Variants in TGDS observed in about 807,000 individuals in gnomAD.
TGDS encodes the protein UDP-D-glucose 4,6-dehydratase.
TGDS carries 47 observed loss-of-function variants against 52.3 expected under a neutral mutation model. The observed-to-expected ratio is 0.90, with a 90% CI of 0.71 to 1.15. The LOEUF (loss-of-function observed/expected upper bound fraction) is 1.15, where lower values mean the gene tolerates loss of function less well. Among genes scored for constraint, TGDS ranks in the 50% most tolerant of loss-of-function variants. TGDS has a pLI of 0.00. For missense variants in TGDS, 375 were observed against 418.4 expected (o/e 0.90, Z 0.90); for synonymous variants, 115 against 136.9 (o/e 0.84, Z 1.12).
intron 6 of TGDS, among the ~76,000 whole-genome samples, chr13:94,580,828 C>T (rs895531178): frequency 1.3e-5 from 2 of 152,208 alleles, no homozygotes; most frequent in Non-Finnish European, 2.9e-5. Context: ...TCTATGCCTT[C>T]TACTCTAAGC....
chr13:94,581,364 T>C (rs1888784246), intron 5 of TGDS, among the ~76,000 whole-genome samples, 175 bp from the exon 6 acceptor site: 1 of 152,086 alleles, frequency 6.6e-6, no homozygotes, highest in Admixed American at 6.5e-5. Context: ...TGCACAACAA[T>C]CCTATATAGC....
At chr13:94,591,086 G>A in intron 3 of TGDS, 143 bp from the exon 4 acceptor site, 2 of 605,110 alleles carry the variant, frequency 3.3e-6, no homozygotes, top group Non-Finnish European at 5.8e-6. Flanking sequence ...GCTCAAACAA[G>A]GATACCAATG....
At chr13:94,590,774 T>C (rs930919800) in intron 4 of TGDS, 79 bp downstream of exon 4, 12 of 1,135,060 alleles carry the variant, frequency 1.1e-5, no homozygotes, top group Non-Finnish European at 1.2e-5. Context: ...TGATATATCC[T>C]CTTTCAAATA....
chr13:94,591,445 TAGCTGGG>T (rs1889198779), intron 3 of TGDS, among the ~76,000 whole-genome samples: 1 of 152,016 alleles, frequency 6.6e-6, no homozygotes, highest in Non-Finnish European at 1.5e-5. Flanking sequence ...ATATGAAAAT[TAGCTGGG>T]CATGGTAGCA....
At chr13:94,575,152 T>G (rs1888551631) in intron 11 of TGDS, among the ~76,000 whole-genome samples, 1 of 152,056 alleles carries the variant, frequency 6.6e-6, no homozygotes, top group African/African-American at 2.4e-5. Context: ...TTTAAGGAAT[T>G]TGGGGTGTGG....
At chr13:94,591,741 A>G (rs1261859557) in intron 3 of TGDS, among the ~76,000 whole-genome samples, 1 of 152,256 alleles carries the variant, frequency 6.6e-6, no homozygotes, top group East Asian at 1.9e-4. Context: ...TGAAGAAAAC[A>G]CTTTCACACA....
Position 94,578,722 on chromosome 13 carries a change from T to A in TGDS, c.659+8A>T, listed in dbSNP as rs375335161. ...AAGCATATGGGTAAAAAGGTAATAA[T>A]AACATACCATTTCCTGTTGTGCTGT... is the stretch of plus-strand genomic sequence containing the variant. On this transcript the variant is annotated splice_region_variant and intron_variant, in intron 8 of 11. Coordinates refer to ENST00000261296, the MANE Select transcript of TGDS (RefSeq NM_014305.4). 1 of 1,528,210 alleles carries A rather than the reference T, an allele frequency of 6.5e-7. No individual in the cohort carries two copies. The allele number at this position is 1,528,210 out of a possible 1,614,324, so 94.7% of individuals were successfully genotyped here.
chr13:94,584,594 A>G (rs60975003), intron 4 of TGDS, among the ~76,000 whole-genome samples: 11,984 of 152,280 alleles, frequency 0.079, 1,132 homozygotes, highest in African/African-American at 0.23. Flanking sequence ...ACAATGTCCA[A>G]TCAGTTAATA....
At chr13:94,590,722 T>C (rs374017853) in intron 4 of TGDS, 131 bp downstream of exon 4, 45 of 652,398 alleles carry the variant, frequency 6.9e-5, no homozygotes, top group African/African-American at 5.5e-4. Context: ...GCTGAGTTTA[T>C]GGATAACACA....
At chr13:94,578,520 T>C (rs1888681086) in intron 8 of TGDS, among the ~76,000 whole-genome samples, 1 of 152,210 alleles carries the variant, frequency 6.6e-6, no homozygotes. Flanking sequence ...CAAAGTTCTA[T>C]GATAGGTCAT....
In TGDS at chr13:94,583,092, A is replaced by G. The variant is rs1460820652; in HGVS notation, c.456+2T>C. 6.2e-7 allele frequency: 1 copy of G among 1,612,180 alleles called. No homozygotes were observed. Among genetic ancestry groups the G allele is most frequent in the Non-Finnish European group, 8.5e-7 (1 of 1,179,596 alleles). ...GGTAAAATATACATTTTCTAAGCTC[A>G]CCTTATCAAGACTGCCACCATATAC... On this transcript the variant is annotated splice_donor_variant, in intron 5 of 11. Coordinates refer to ENST00000261296, the MANE Select transcript of TGDS (RefSeq NM_014305.4). LOFTEE classifies it high-confidence loss of function.
chr13:94,593,719 C>G, intron 2 of TGDS, 122 bp downstream of exon 2: 1 of 740,154 alleles, frequency 1.4e-6, no homozygotes, highest in Non-Finnish European at 2.3e-6. Flanking sequence ...TACAGAGCCT[C>G]TGAATTGCTA....
intron 1 of TGDS, among the ~76,000 whole-genome samples, chr13:94,595,301 G>A (rs965763837): frequency 6.6e-6 from 1 of 152,194 alleles, no homozygotes; most frequent in Non-Finnish European, 1.5e-5. Context: ...GGGCACTTGA[G>A]TTTTCTAGAT....
At chr13:94,594,481 A>T (rs1183894573) in intron 1 of TGDS, among the ~76,000 whole-genome samples, 1 of 152,184 alleles carries the variant, frequency 6.6e-6, no homozygotes, top group Non-Finnish European at 1.5e-5. Context: ...GGATATCCAC[A>T]GTGGGTCCTG....
intron 7 of TGDS, chr13:94,579,439 G>A (rs1421168789): frequency 1.3e-5 from 2 of 152,906 alleles, no homozygotes; most frequent in African/African-American, 4.8e-5. Context: ...AAGATGAGTT[G>A]AGGCACAGTT....
intron 4 of TGDS, among the ~76,000 whole-genome samples, chr13:94,584,839 G>T (rs1888924205): frequency 6.6e-6 from 1 of 152,006 alleles, no homozygotes; most frequent in Admixed American, 6.6e-5. Flanking sequence ...GAGTCATTTT[G>T]AACATAAATA....
Position 94,578,722 on chromosome 13 carries a change from T to C in TGDS, c.659+8A>G, listed in dbSNP as rs375335161. ...AAGCATATGGGTAAAAAGGTAATAA[T>C]AACATACCATTTCCTGTTGTGCTGT... is the stretch of plus-strand genomic sequence containing the variant. On this transcript the variant is annotated splice_region_variant and intron_variant, in intron 8 of 11. Transcript: ENST00000261296. 6 of 1,528,210 alleles carry C rather than the reference T, an allele frequency of 3.9e-6. No individual in the cohort carries two copies. The highest frequency in any genetic ancestry group is 1.4e-5 in the African/African-American group (1 of 72,940). 94.7% of individuals were successfully genotyped at this position (1,528,210 alleles called of 1,614,324 possible). A position where few individuals can be genotyped will look rare whatever the true frequency, so the allele number is the denominator to read the frequency against.
At chr13:94,583,030 G>A in intron 5 of TGDS, 64 bp downstream of exon 5, 1 of 1,557,950 alleles carries the variant, frequency 6.4e-7, no homozygotes, top group Non-Finnish European at 8.7e-7. Flanking sequence ...GCCCAGTGTA[G>A]GTTTAATAAA....
rs1381620880 is a variant in TGDS at position 94,592,200 on chromosome 13, G to A, written c.222+41C>T. 10 of 1,454,280 alleles carry A rather than the reference G, an allele frequency of 6.9e-6. No homozygotes were observed. In the Admixed American group the frequency reaches 1.4e-4, roughly 21 times the overall value. 90.1% of individuals were successfully genotyped at this position (1,454,280 alleles called of 1,614,324 possible). A position where few individuals can be genotyped will look rare whatever the true frequency, so the allele number is the denominator to read the frequency against. ...TACAAAGATACTATAATCTCTGCAT[G>A]ACTAAAGAGGCACGGTACAGTTACA... On this transcript the variant is annotated intron_variant, in intron 3 of 11. Transcript: ENST00000261296.
Sources: allele counts gnomAD v4.1 joint callset (sites outside exome capture counted in the v4.1 genomes callset), GRCh38; gene constraint gnomAD v4.1.1; transcripts MANE v1.5; gene names NCBI Gene and HGNC (gene_info 2026-07-23, HGNC 2026-07-21).